Variants in ANKRD24 observed in about 807,000 individuals in gnomAD.
ANKRD24 encodes ankyrin repeat domain-containing protein 24.
A neutral mutation model predicts 127.8 loss-of-function variants in ANKRD24; 109 were observed. The observed-to-expected ratio is 0.85, with a 90% CI of 0.73 to 1.00. The LOEUF (loss-of-function observed/expected upper bound fraction) is 1.00, where lower values mean the gene tolerates loss of function less well. Ranked by LOEUF, ANKRD24 falls within the 50% of genes least tolerant of loss-of-function variation. ANKRD24 has a pLI of 0.00. For synonymous variants in ANKRD24, 743 were observed against 671.1 expected, an observed-to-expected ratio of 1.11 and a Z score of -1.66; for missense variants, 1,648 against 1,570.2, an observed-to-expected ratio of 1.05 and a Z score of -0.84.
chr19:4,212,259 G>A (rs906786866), intron 13 of ANKRD24, among the ~76,000 whole-genome samples: 1 of 152,144 alleles, frequency 6.6e-6, no homozygotes, highest in African/African-American at 2.4e-5. Flanking sequence ...TACAGCAGGT[G>A]CTCAATAAAT....
At chr19:4,210,192 A>T (rs879770455) in intron 12 of ANKRD24, 54 bp downstream of exon 12, 264 of 1,567,208 alleles carry the variant, frequency 1.7e-4, no homozygotes, top group Non-Finnish European at 2.3e-4. Flanking sequence ...AGGCACGGGG[A>T]GGGGCTCTGG....
chr19:4,210,348 G>A lies in ANKRD24; in HGVS notation c.1035G>A (p.Gln345=), dbSNP rs1969647274. The A allele has an allele frequency of 6.4e-7, 1 of 1,570,612 alleles. No individual in the cohort carries two copies. Among genetic ancestry groups the A allele is most frequent in the Non-Finnish European group, 8.6e-7 (1 of 1,158,400 alleles). ...TGCAGAAGATCCGGGGCCTGGAACA[G>A]CACAAGGAACGGAGGCAGCAGGAGG... ...RLLQKIRGLE[Q]HKERRQQESP... Residue 345 remains glutamine (Q), a synonymous_variant, in exon 13 of 22, where the codon CAG becomes CAA. Coordinates refer to ENST00000318934, the MANE Select transcript of ANKRD24 (RefSeq NM_001393985.1).
intron 18 of ANKRD24, among the ~76,000 whole-genome samples, 178 bp downstream of exon 18, chr19:4,218,341 C>T (rs1970249312): frequency 6.8e-6 from 1 of 147,550 alleles, no homozygotes; most frequent in Admixed American, 6.6e-5. Context: ...CTCGTGTCGC[C>T]CAGGCTGGAG....
At position 4,217,365 on chromosome 19, in the gene ANKRD24, T is replaced by C. The variant is rs757079830; in HGVS notation, c.2205T>C (p.Ala735=). 13 of 1,550,852 alleles carry C rather than the reference T, an allele frequency of 8.4e-6. No individual in the cohort carries two copies. The highest frequency in any genetic ancestry group is 3.9e-5 in the Admixed American group (2 of 50,950). The part of the protein sequence containing the change: ...LETRIRGLEE[A]LRQREREAAA... Reference sequence around the variant, plus strand: ...CCAGGATCCGTGGCTTGGAGGAGGCTCTCCGGCAGCGGGAGCGGGAGGCAG... The same window carrying C: ...CCAGGATCCGTGGCTTGGAGGAGGCCCTCCGGCAGCGGGAGCGGGAGGCAG... The change falls in exon 18 of 22, where the codon GCT becomes GCC. Residue 735 remains alanine (A), a synonymous_variant. Transcript: ENST00000318934.
intron 2 of ANKRD24, among the ~76,000 whole-genome samples, chr19:4,194,233 A>G (rs1297185422): frequency 1.3e-5 from 2 of 151,928 alleles, no homozygotes; most frequent in African/African-American, 2.4e-5. Context: ...GGTTACTGCA[A>G]CCTCAGCCTC....
At chr19:4,188,912 A>G (rs1314852572) in intron 2 of ANKRD24, among the ~76,000 whole-genome samples, 1 of 152,084 alleles carries the variant, frequency 6.6e-6, no homozygotes, top group Admixed American at 6.6e-5. Context: ...AGTTCAAGCA[A>G]TTCTCCTGCC....
At chr19:4,194,999 G>A (rs1266365559) in intron 2 of ANKRD24, among the ~76,000 whole-genome samples, 1 of 152,012 alleles carries the variant, frequency 6.6e-6, no homozygotes, top group Non-Finnish European at 1.5e-5. Flanking sequence ...ATGGAGTCTC[G>A]CTGTGTCTCC....
At chr19:4,191,261 C>T (rs1170221040) in intron 2 of ANKRD24, among the ~76,000 whole-genome samples, 1 of 152,076 alleles carries the variant, frequency 6.6e-6, no homozygotes, top group Non-Finnish European at 1.5e-5. Flanking sequence ...TCAAGTTCAG[C>T]TTTTGTTCAG....
rs1179291312 is a variant in ANKRD24 at position 4,218,098 on chromosome 19, C to T, written c.2938C>T (p.Gln980Ter). The change falls in exon 18 of 22, where the codon CAG (glutamine) becomes TAG (stop). Residue 980 changes from glutamine to a stop codon, truncating the protein, a stop_gained. Transcript: ENST00000318934. LOFTEE classifies it high-confidence loss of function. ...GGGCACCCTGCAGGCCAACGTGGCC[C>T]AGCTGGAGGGGCAGCTGGAGGAGCT... Reference protein sequence around the residue: ...IVGTLQANVAQLEGQLEELGR... With the variant: ...IVGTLQANVA The T allele has an allele frequency of 6.5e-7, 1 of 1,544,896 alleles. No individual in the cohort carries two copies. Among genetic ancestry groups the T allele is most frequent in the Non-Finnish European group, 8.7e-7 (1 of 1,147,766 alleles).
At chr19:4,215,462 G>A (rs1431589634) in intron 15 of ANKRD24, among the ~76,000 whole-genome samples, 1 of 122,978 alleles carries the variant, frequency 8.1e-6, no homozygotes, top group South Asian at 2.7e-4. Context: ...TCCAGCCTGG[G>A]GGCAAAAAAA....
In ANKRD24 at chr19:4,222,785, A is replaced by G. The variant is rs1351944275; in HGVS notation, c.3287A>G (p.Gln1096Arg). ...ALRDQVKDLQ[Q>R]QLQEAARDHS... ...CGTGACCAGGTGAAGGATTTACAGC[A>G]GCAGCTGCAGGTAAGGACTGGGCCA... The change falls in exon 20 of 22, where the codon CAG (glutamine) becomes CGG (arginine). Residue 1096 changes from glutamine (Q) to arginine (R), a missense_variant. By Grantham distance (43) the Gln-to-Arg change is conservative. Coordinates refer to ENST00000318934, the MANE Select transcript of ANKRD24 (RefSeq NM_001393985.1). The G allele has an allele frequency of 7.5e-6, 12 of 1,607,860 alleles. No homozygotes were observed. The Admixed American group carries it at 1.0e-4, about 13-fold the overall frequency.
intron 21 of ANKRD24, 73 bp downstream of exon 21, chr19:4,224,265 C>T: frequency 1.3e-6 from 2 of 1,484,456 alleles, no homozygotes; most frequent in Non-Finnish European, 1.8e-6. Context: ...TCAGTTTCCC[C>T]TTCTGTACAG....
chr19:4,202,997 G>T, intron 7 of ANKRD24, 71 bp downstream of exon 7: 1 of 1,346,416 alleles, frequency 7.4e-7, no homozygotes, highest in Non-Finnish European at 1.0e-6. Flanking sequence ...ATTCTGCCCA[G>T]GGCCCTAGGG....
intron 11 of ANKRD24, chr19:4,209,097 CCT>C (rs1397420445): frequency 3.3e-6 from 1 of 299,818 alleles, no homozygotes; most frequent in Non-Finnish European, 6.2e-6. Context: ...GGCCTCTTCC[CCT>C]CTTTCAGTTT....
chr19:4,224,019 G>T, intron 20 of ANKRD24, 108 bp from the exon 21 acceptor site: 1 of 788,284 alleles, frequency 1.3e-6, no homozygotes, highest in Non-Finnish European at 2.0e-6. Context: ...TATTTTAGCA[G>T]TCGGCCATCA....
At position 4,199,953 on chromosome 19, in the gene ANKRD24, A is replaced by C. The variant is rs1969000433; in HGVS notation, c.202A>C (p.Ile68Leu). ...NNDAPRVAAL[I>L]ARKGLVPTKL... ...CGATGCACCTCGGGTGGCCGCCCTC[A>C]TCGCCCGCAAGGGGCTGGTGCCCAC... Residue 68 changes from isoleucine to leucine, a missense_variant, in exon 4 of 22, where the codon ATC becomes CTC. Coordinates refer to ENST00000318934, the MANE Select transcript of ANKRD24 (RefSeq NM_001393985.1). This position sits in a 1 kb window ranked among gnomAD's most constrained non-coding sequence, Gnocchi z 5.2. The C allele has an allele frequency of 6.4e-7, 1 of 1,564,596 alleles. No individual in the cohort carries two copies. The highest frequency in any genetic ancestry group is 8.7e-7 in the Non-Finnish European group (1 of 1,155,026).
rs145452878 is a variant in ANKRD24, at chr19:4,224,658, C to T, written c.*153C>T. 5.6e-6 allele frequency: 4 copies of T among 712,698 alleles called. No homozygotes were observed. Among genetic ancestry groups the T allele is most frequent in the Admixed American group, 2.3e-5 (1 of 43,866 alleles). The allele number at this position is 712,698 out of a possible 1,614,324, so 44.1% of individuals were successfully genotyped here. A position where few individuals can be genotyped will look rare whatever the true frequency, so the allele number is the denominator to read the frequency against. ...GCCTGGTTCCCTGCCCGACCACCCC[C>T]AGCTGGCTCCATCACCCCACCTGGT... On this transcript the variant is annotated 3_prime_UTR_variant, in exon 22 of 22. Coordinates refer to ENST00000318934, the MANE Select transcript of ANKRD24 (RefSeq NM_001393985.1).
At chr19:4,196,280 C>T (rs1968729764) in intron 2 of ANKRD24, among the ~76,000 whole-genome samples, 1 of 152,174 alleles carries the variant, frequency 6.6e-6, no homozygotes, top group Non-Finnish European at 1.5e-5. Flanking sequence ...AATTCAAGCC[C>T]CTGTCACCTG....
At chr19:4,211,764 C>T (rs1012220636) in intron 13 of ANKRD24, among the ~76,000 whole-genome samples, 25 of 152,064 alleles carry the variant, frequency 1.6e-4, no homozygotes, top group African/African-American at 5.8e-4. Context: ...CAGAATGGTG[C>T]ATACTGGCAC....
Sources: allele counts gnomAD v4.1 joint callset (sites outside exome capture counted in the v4.1 genomes callset), GRCh38; gene constraint gnomAD v4.1.1; non-coding constraint Gnocchi (gnomAD v3.1); transcripts MANE v1.5; gene names NCBI Gene and HGNC (gene_info 2026-07-23, HGNC 2026-07-21).